Variants in MXI1 observed in about 807,000 individuals in gnomAD.
The protein encoded by MXI1 is max-interacting protein 1.
A neutral mutation model predicts 36.9 loss-of-function variants in MXI1; 18 were observed. The observed-to-expected ratio is 0.49, with a 90% confidence interval of 0.34 to 0.72. The LOEUF (loss-of-function observed/expected upper bound fraction) is 0.72, where lower values mean the gene tolerates loss of function less well. MXI1 is among the 30% of genes least tolerant of loss of function. The pLI is 0.01. For missense variants in MXI1, 304 were observed against 379.1 expected, an observed-to-expected ratio of 0.80 and a Z score of 1.64; for synonymous variants, 160 against 146.7, an observed-to-expected ratio of 1.09 and a Z score of -0.65.
rs75493929 is a variant in MXI1, at chr10:110,262,141, A to G, written c.438-17039A>G. Among the ~76,000 whole-genome samples, 993 of 152,252 alleles carry G rather than the reference A, an allele frequency of 6.5e-3. 6 individuals carry two copies. Among genetic ancestry groups the G allele is most frequent in the African/African-American group, 0.019 (779 of 41,592 alleles). ...GTGAACTCCACATCCATGGATTCAA[A>G]CGACTATGGATTGAAAATATTTGGG... On this transcript the variant is annotated intron_variant, in intron 3 of 5. Transcript: ENST00000332674.
chr10:110,279,630 G>A (rs1450373160), intron 4 of MXI1, among the ~76,000 whole-genome samples: 2 of 152,176 alleles, frequency 1.3e-5, no homozygotes, highest in Non-Finnish European at 2.9e-5. Context: ...CATACTAGAG[G>A]AAGTTTCTCC....
chr10:110,211,413 G>C (rs1854512229), intron 1 of MXI1, among the ~76,000 whole-genome samples: 1 of 152,130 alleles, frequency 6.6e-6, no homozygotes, highest in Non-Finnish European at 1.5e-5. Flanking sequence ...AGCTGGTCCA[G>C]TCTCTTCTTA....
At chr10:110,251,433 G>A (rs890695881) in intron 3 of MXI1, among the ~76,000 whole-genome samples, 2 of 151,940 alleles carry the variant, frequency 1.3e-5, no homozygotes, top group Non-Finnish European at 2.9e-5. Context: ...TTATAGTTTG[G>A]TATTTATATT....
intron 3 of MXI1, among the ~76,000 whole-genome samples, chr10:110,250,622 A>G (rs1856043271): frequency 6.6e-6 from 1 of 152,020 alleles, no homozygotes; most frequent in South Asian, 2.1e-4. Context: ...GCTTGAGGCC[A>G]GGAGTTTGAG....
At position 110,257,894 on chromosome 10, in the gene MXI1, GA is replaced by G. The variant is rs938761163; in HGVS notation, c.437+13046del. The G allele has an allele frequency of 1.3e-3, 294 of 233,418 alleles. 1 individual carries two copies. The highest frequency in any genetic ancestry group is 3.7e-3 in the African/African-American group (155 of 42,378). 14.5% of individuals were successfully genotyped at this position (233,418 alleles called of 1,614,324 possible). A position where few individuals can be genotyped will look rare whatever the true frequency, so the allele number is the denominator to read the frequency against. ...ACAAACAAAAAACAAAAACCCTCTG[GA>G]AAAAAAAATAAGGGGGGAGGTATAG... On this transcript the variant is annotated intron_variant, in intron 3 of 5. Coordinates refer to ENST00000332674, the MANE Select transcript of MXI1 (RefSeq NM_130439.3).
At chr10:110,216,351 C>A (rs1854635109) in intron 1 of MXI1, among the ~76,000 whole-genome samples, 1 of 152,194 alleles carries the variant, frequency 6.6e-6, no homozygotes, top group South Asian at 2.1e-4. Flanking sequence ...TAAACCAGTA[C>A]ATAAGGAGTA....
intron 3 of MXI1, among the ~76,000 whole-genome samples, chr10:110,277,528 T>G (rs1324155118): frequency 6.6e-6 from 1 of 152,196 alleles, no homozygotes; most frequent in Non-Finnish European, 1.5e-5. Flanking sequence ...CAGTTAAAAA[T>G]GAAAATTTTG....
intron 3 of MXI1, chr10:110,260,892 A>G (rs1856489740): frequency 1.9e-6 from 1 of 538,084 alleles, no homozygotes; most frequent in Non-Finnish European, 2.4e-6. Flanking sequence ...TTATTGTGTT[A>G]TAACTTCTGG....
At chr10:110,282,538 G>A (rs997679623) in intron 5 of MXI1, among the ~76,000 whole-genome samples, 26 of 152,192 alleles carry the variant, frequency 1.7e-4, no homozygotes, top group Admixed American at 6.5e-4. Flanking sequence ...GCTAACTAGC[G>A]GAAACCTCTT....
intron 3 of MXI1, among the ~76,000 whole-genome samples, chr10:110,277,449 G>A (rs1857073911): frequency 6.6e-6 from 1 of 152,166 alleles, no homozygotes; most frequent in African/African-American, 2.4e-5. Flanking sequence ...GTTGCTGTTT[G>A]TTTGCTTTTT....
Position 110,280,775 on chromosome 10 carries a change from G to T in MXI1, c.724+690G>T, listed in dbSNP as rs559178327. 2.6e-4 allele frequency among the ~76,000 whole-genome samples: 40 copies of T among 152,060 alleles called. No individual in the cohort carries two copies. In the South Asian group the frequency reaches 6.4e-3, roughly 24 times the overall value. The stretch of plus-strand genomic sequence containing the variant: ...TCGAAGTTTTTACTACTGGTGATGT[G>T]AATTTTTATATGTAGATTTTAAAGT... On this transcript the variant is annotated intron_variant, in intron 5 of 5. Coordinates refer to ENST00000332674, the MANE Select transcript of MXI1 (RefSeq NM_130439.3).
intron 4 of MXI1, 84 bp from the exon 5 acceptor site, chr10:110,279,830 C>A: frequency 9.6e-7 from 1 of 1,041,838 alleles, no homozygotes. Context: ...TATATTCATT[C>A]ATGTTTTCTC....
At chr10:110,270,518 T>C (rs890031090) in intron 3 of MXI1, among the ~76,000 whole-genome samples, 1 of 152,136 alleles carries the variant, frequency 6.6e-6, no homozygotes, top group Admixed American at 6.5e-5. Flanking sequence ...AAAAAATAGT[T>C]GTTTATATGT....
intron 3 of MXI1, among the ~76,000 whole-genome samples, chr10:110,249,947 A>C (rs1856014907): frequency 6.6e-6 from 1 of 152,128 alleles, no homozygotes; most frequent in Non-Finnish European, 1.5e-5. Flanking sequence ...AGATTGTTGA[A>C]GCCCTGGGGT....
At chr10:110,242,305 A>G (rs1855696626) in intron 2 of MXI1, among the ~76,000 whole-genome samples, 1 of 151,986 alleles carries the variant, frequency 6.6e-6, no homozygotes, top group Non-Finnish European at 1.5e-5. Flanking sequence ...TGCTAAACAT[A>G]TCTTAATTTA....
chr10:110,232,275 C>T (rs1855298536), intron 2 of MXI1, among the ~76,000 whole-genome samples: 3 of 152,170 alleles, frequency 2.0e-5, no homozygotes, highest in African/African-American at 7.2e-5. Context: ...TTATGAATTA[C>T]ATTGGCCAGC....
At chr10:110,281,697 A>G (rs1482710492) in intron 5 of MXI1, among the ~76,000 whole-genome samples, 1 of 152,142 alleles carries the variant, frequency 6.6e-6, no homozygotes, top group African/African-American at 2.4e-5. Context: ...AGAATTTCCT[A>G]CATCCTAGAT....
At chr10:110,238,551 G>A (rs934366811) in intron 2 of MXI1, among the ~76,000 whole-genome samples, 1 of 152,094 alleles carries the variant, frequency 6.6e-6, no homozygotes, top group Non-Finnish European at 1.5e-5. Flanking sequence ...TTTGGTATCA[G>A]GCTAATACTG....
At chr10:110,228,162 C>T (rs377545172) in intron 1 of MXI1, 27 bp from the exon 2 acceptor site, 5 of 1,612,446 alleles carry the variant, frequency 3.1e-6, no homozygotes, top group East Asian at 4.5e-5. Context: ...TTCTTCTTAC[C>T]GTATCTTTTT....
Sources: allele counts gnomAD v4.1 joint callset (sites outside exome capture counted in the v4.1 genomes callset), GRCh38; gene constraint gnomAD v4.1.1; transcripts MANE v1.5; gene names NCBI Gene and HGNC (gene_info 2026-07-23, HGNC 2026-07-21).